The following CTPS1 variants were observed in gnomAD, a reference collection of about 807,000 sequenced individuals.
CTPS1 encodes the protein CTP synthetase 1.
A neutral mutation model predicts 80.5 loss-of-function variants in CTPS1; 25 were observed. The observed-to-expected ratio is 0.31, with a 90% CI of 0.23 to 0.43. CTPS1 has a LOEUF of 0.43. Among genes scored for constraint, CTPS1 ranks in the 20% least tolerant of loss-of-function variants. CTPS1 has a pLI of 1.00. For missense variants in CTPS1, 442 were observed against 725.7 expected (o/e 0.61, Z 4.49); for synonymous variants, 267 against 252.5 (o/e 1.06, Z -0.54).
intron 16 of CTPS1, 148 bp downstream of exon 16, chr1:41,009,038 T>C: frequency 1.4e-6 from 1 of 696,380 alleles, no homozygotes; most frequent in African/African-American, 1.8e-5. Context: ...TTGATAAACA[T>C]GGGGTCTGGA....
intron 7 of CTPS1, among the ~76,000 whole-genome samples, chr1:40,995,299 A>G (rs1435835147): frequency 6.6e-6 from 1 of 151,720 alleles, no homozygotes; most frequent in Non-Finnish European, 1.5e-5. Flanking sequence ...GCTCACTGCA[A>G]CCTCCAACTC....
chr1:40,997,494 G>T lies in CTPS1; in HGVS notation c.973G>T (p.Ala325Ser). 6.2e-7 allele frequency: 1 copy of T among 1,614,126 alleles called. No individual in the cohort carries two copies. Among genetic ancestry groups the T allele is most frequent in the Middle Eastern group, 1.7e-4 (1 of 6,060 alleles). ...TGTCATTAAGGCTCTGGAGCATTCTGCACTGGCCATCAACCACAAATTGGA... is the reference window on the plus strand; with the variant it reads ...TGTCATTAAGGCTCTGGAGCATTCTTCACTGGCCATCAACCACAAATTGGA... ...ASVIKALEHS[A>S]LAINHKLEIK... Residue 325 changes from alanine (A) to serine (S), a missense_variant, in exon 9 of 19, where the codon GCA (alanine) becomes TCA (serine). Coordinates refer to ENST00000650070, the MANE Select transcript of CTPS1 (RefSeq NM_001905.4).
chr1:40,983,583 G>T, intron 2 of CTPS1, 127 bp downstream of exon 2: 2 of 625,146 alleles, frequency 3.2e-6, no homozygotes, highest in Admixed American at 2.9e-5. Flanking sequence ...ACAGCAGAAT[G>T]ATACTTTTCT....
At chr1:41,000,277 C>G (rs766587257) in intron 9 of CTPS1, among the ~76,000 whole-genome samples, 8 of 152,018 alleles carry the variant, frequency 5.3e-5, no homozygotes, top group Admixed American at 2.6e-4. Context: ...GAGTCTCGCT[C>G]TGTCACCCAG....
rs1436161637 is a variant in CTPS1 at position 41,001,999 on chromosome 1, T to TAGTATCA, written c.1095-161_1095-160insAGTATCA. On this transcript the variant is annotated intron_variant, in intron 10 of 18. Coordinates refer to ENST00000650070, the MANE Select transcript of CTPS1 (RefSeq NM_001905.4). Reference sequence around the variant, plus strand: ...AAAAGTCCATAGTTTCATATGCAGTTTCTAAGTTGATAGTGTTTACATACA... The same window carrying TAGTATCA: ...AAAAGTCCATAGTTTCATATGCAGTTAGTATCATCTAAGTTGATAGTGTTTACATACA... Among the ~76,000 whole-genome samples, 51 of 152,240 alleles carry TAGTATCA rather than the reference T, an allele frequency of 3.3e-4. 2 individuals carry two copies. Among genetic ancestry groups the TAGTATCA allele is most frequent in the Admixed American group, 3.3e-3 (51 of 15,284 alleles).
chr1:41,007,398 C>A lies in CTPS1; in HGVS notation c.1297-51C>A, dbSNP rs1245874299. ...CCCACTCAGCGAGGGAGGTTTCTCTCTAGCGGAAGCAGAGTTCTGTAGTTG... is the reference window on the plus strand; with the variant it reads ...CCCACTCAGCGAGGGAGGTTTCTCTATAGCGGAAGCAGAGTTCTGTAGTTG... On this transcript the variant is annotated intron_variant, in intron 13 of 18. Transcript: ENST00000650070. This position sits in a 1 kb window ranked among gnomAD's most constrained non-coding sequence, Gnocchi z 4.4. 2 of 1,534,064 alleles carry A rather than the reference C, an allele frequency of 1.3e-6. No homozygotes were observed. Among genetic ancestry groups the A allele is most frequent in the Non-Finnish European group, 1.8e-6 (2 of 1,109,188 alleles).
At chr1:40,980,121 C>A (rs1457340404) in intron 1 of CTPS1, 2 of 151,368 alleles carry the variant, frequency 1.3e-5, no homozygotes, top group African/African-American at 4.8e-5. Flanking sequence ...GCGGGGCCTG[C>A]GCTGCCGCGC....
rs1643069016 is a variant in CTPS1, at chr1:41,007,693, C to T, written c.1393+148C>T. The T allele has an allele frequency of 1.5e-6, 1 of 654,264 alleles. No individual in the cohort carries two copies. The highest frequency in any genetic ancestry group is 2.7e-6 in the Non-Finnish European group (1 of 373,032). 40.5% of individuals were successfully genotyped at this position (654,264 alleles called of 1,614,324 possible). A position where few individuals can be genotyped will look rare whatever the true frequency, so the allele number is the denominator to read the frequency against. ...TTCATTCTTTCCTCTCTTATTCATA[C>T]CCTTTTAGGATGCACTGTGATAGCC... On this transcript the variant is annotated intron_variant, in intron 14 of 18. Transcript: ENST00000650070. This position sits in a 1 kb window ranked among gnomAD's most constrained non-coding sequence, Gnocchi z 4.4.
At chr1:40,992,242 T>A (rs1642629874) in intron 7 of CTPS1, among the ~76,000 whole-genome samples, 1 of 152,236 alleles carries the variant, frequency 6.6e-6, no homozygotes, top group Admixed American at 6.5e-5. Flanking sequence ...TGAGAAGCTT[T>A]AACTGCCAAA....
chr1:40,994,460 G>A (rs756926600), intron 7 of CTPS1, among the ~76,000 whole-genome samples: 8 of 152,012 alleles, frequency 5.3e-5, no homozygotes, highest in Admixed American at 1.3e-4. Context: ...TATTACTACC[G>A]TGTATTTTTA....
chr1:41,008,359 T>G (rs892814582), intron 14 of CTPS1, among the ~76,000 whole-genome samples: 1 of 152,222 alleles, frequency 6.6e-6, no homozygotes, highest in Non-Finnish European at 1.5e-5. Context: ...CCTGATTTGC[T>G]TTCCAAGGCA....
chr1:40,997,655 A>AT, intron 9 of CTPS1, 129 bp downstream of exon 9: 1 of 1,173,008 alleles, frequency 8.5e-7, no homozygotes, highest in Non-Finnish European at 1.2e-6. Flanking sequence ...CTTTTTAAGG[A>AT]TTAAAAAGAT....
At chr1:41,008,491 T>A (rs1643090202) in intron 14 of CTPS1, among the ~76,000 whole-genome samples, 168 bp from the exon 15 acceptor site, 1 of 152,214 alleles carries the variant, frequency 6.6e-6, no homozygotes. Context: ...CAAGAATTAG[T>A]CTAAACTGTG....
chr1:40,983,697 G>T (rs1477210418), intron 2 of CTPS1, among the ~76,000 whole-genome samples: 2 of 149,496 alleles, frequency 1.3e-5, no homozygotes, highest in Non-Finnish European at 1.5e-5. Context: ...ATCATGGCTC[G>T]CTGCAGCTTC....
In CTPS1 at chr1:41,001,289, A is replaced by G. The variant is rs192328061; in HGVS notation, c.1094+172A>G. Among the ~76,000 whole-genome samples, 25 of 152,364 alleles carry G rather than the reference A, an allele frequency of 1.6e-4. No individual in the cohort carries two copies. The East Asian group carries it at 4.0e-3, about 25-fold the overall frequency. The stretch of plus-strand genomic sequence containing the variant: ...AATCCTTAAAAAATGCAGCTTGTCA[A>G]TATCATTGGATCTGAAAAGCTGCTC... On this transcript the variant is annotated intron_variant, in intron 10 of 18. Transcript: ENST00000650070.
At position 41,003,116 on chromosome 1, in the gene CTPS1, G is replaced by C. The variant is rs1313438794; in HGVS notation, c.1192G>C (p.Val398Leu). The C allele has an allele frequency of 2.5e-6, 4 of 1,614,184 alleles. No homozygotes were observed. Among genetic ancestry groups the C allele is most frequent in the Non-Finnish European group, 3.4e-6 (4 of 1,180,022 alleles). The change falls in exon 12 of 19, where the codon GTG becomes CTG. Residue 398 changes from valine (V) to leucine (L), a missense_variant and splice_region_variant. Around this residue, in one of 4 missense-constraint regions of CTPS1, gnomAD observed 321 missense variants for 467.2 expected, o/e 0.69. Transcript: ENST00000650070. ...ARNQKKPFLGVCLGMQLAVVE... is the reference protein window; with the variant it reads ...ARNQKKPFLGLCLGMQLAVVE... ...TGTTTTTTCCCCCCGACTGGAAGGC[G>C]TGTGCTTAGGGATGCAGTTGGCAGT... is the stretch of plus-strand genomic sequence containing the variant.
rs754482596 is a variant in CTPS1, at chr1:40,997,381, G to C, written c.873-13G>C. Reference sequence around the variant, plus strand: ...TCTGAGTAATTGGGTTTTTCTTGACGTTTATTTGATAGATATGATCGCTTG... The same window carrying C: ...TCTGAGTAATTGGGTTTTTCTTGACCTTTATTTGATAGATATGATCGCTTG... On this transcript the variant is annotated splice_polypyrimidine_tract_variant and intron_variant, in intron 8 of 18. Transcript: ENST00000650070. 5.6e-6 allele frequency: 9 copies of C among 1,609,098 alleles called. No individual in the cohort carries two copies. The East Asian group carries it at 8.9e-5, about 16-fold the overall frequency.
intron 3 of CTPS1, 83 bp from the exon 4 acceptor site, chr1:40,987,289 A>G: frequency 1.0e-6 from 1 of 958,510 alleles, no homozygotes; most frequent in Non-Finnish European, 1.7e-6. Flanking sequence ...AGAGTGCTGC[A>G]GTTTGTTTTC....
intron 9 of CTPS1, among the ~76,000 whole-genome samples, chr1:40,997,860 T>A (rs994219859): frequency 7.9e-5 from 12 of 152,154 alleles, no homozygotes; most frequent in African/African-American, 2.7e-4. Flanking sequence ...AGCTGGAGGC[T>A]CTTGGAGACT....
Sources: gnomAD v4.1 joint callset for allele counts (sites outside exome capture counted in the v4.1 genomes callset) on GRCh38, gnomAD v4.1.1 for gene constraint, gnomAD v4.1.1 regional missense constraint, Gnocchi (gnomAD v3.1) non-coding constraint, MANE v1.5 for transcripts, NCBI Gene and HGNC (gene_info 2026-07-23, HGNC 2026-07-21) for gene names.